KDM4C: variants seen among roughly 807,000 people sequenced by gnomAD.
KDM4C encodes lysine-specific demethylase 4C.
KDM4C carries 81 observed loss-of-function variants against 129.3 expected under a neutral mutation model. The observed-to-expected ratio is 0.63, with a 90% CI of 0.52 to 0.75. The LOEUF (loss-of-function observed/expected upper bound fraction) is 0.75. KDM4C is among the 30% of genes least tolerant of loss of function. KDM4C has a pLI of 0.00. For synonymous variants in KDM4C, 573 were observed against 456.1 expected, an observed-to-expected ratio of 1.26 and a Z score of -3.26; for missense variants, 1,457 against 1,304.0, an observed-to-expected ratio of 1.12 and a Z score of -1.81.
intron 15 of KDM4C, among the ~76,000 whole-genome samples, chr9:7,046,217 C>G (rs1283770199): frequency 6.6e-6 from 1 of 151,836 alleles, no homozygotes; most frequent in East Asian, 1.9e-4. Context: ...AGCTAAGACA[C>G]ATAAGAGTGC....
chr9:6,881,324 A>G (rs1327999552), intron 6 of KDM4C, among the ~76,000 whole-genome samples: 12 of 152,216 alleles, frequency 7.9e-5, no homozygotes, highest in African/African-American at 2.4e-5. Flanking sequence ...AAAATGTAAT[A>G]CATAATAGTA....
At chr9:6,913,598 C>T (rs1230388077) in intron 8 of KDM4C, among the ~76,000 whole-genome samples, 2 of 152,174 alleles carry the variant, frequency 1.3e-5, no homozygotes, top group South Asian at 2.1e-4. Context: ...ACTTGTCCTC[C>T]TGCCCTGTTG....
chr9:7,013,881 G>C lies in KDM4C; in HGVS notation c.2062G>C (p.Glu688Gln), dbSNP rs144520956. 2 of 1,613,880 alleles carry C rather than the reference G, an allele frequency of 1.2e-6. No homozygotes were observed. Among genetic ancestry groups the C allele is most frequent in the African/African-American group, 1.3e-5 (1 of 74,916 alleles). Residue 688 changes from glutamate (E) to glutamine (Q), a missense_variant, in exon 14 of 22, where the codon GAG (glutamate) becomes CAG (glutamine). Glu to Gln is a conservative substitution (Grantham distance 29, BLOSUM62 2). Transcript: ENST00000381309. ...GGGAAAGACTAAGCCCCTCATACCA[G>C]AGATGTGTTTTATTTATAGTGAAGA... ...SEGKTKPLIP[E>Q]MCFIYSEENI...
chr9:6,850,398 A>C (rs1490719376), intron 5 of KDM4C, among the ~76,000 whole-genome samples: 1 of 152,188 alleles, frequency 6.6e-6, no homozygotes, highest in Non-Finnish European at 1.5e-5. Context: ...GTGTAGTTTC[A>C]AACCATCTTC....
In KDM4C at chr9:7,135,263, A is replaced by G. The variant is rs146312082; in HGVS notation, c.2781+7027A>G. The stretch of plus-strand genomic sequence containing the variant: ...GACAGTTACGTTTTTCTTCAAATAT[A>G]TACCTCCCTCACTTGAGGGTATTTC... On this transcript the variant is annotated intron_variant, in intron 19 of 21. Transcript: ENST00000381309. 3.2e-4 allele frequency among the ~76,000 whole-genome samples: 49 copies of G among 152,192 alleles called. No individual in the cohort carries two copies. In the East Asian group the frequency reaches 9.1e-3, roughly 28 times the overall value.
intron 5 of KDM4C, among the ~76,000 whole-genome samples, chr9:6,869,897 T>C (rs1317014591): frequency 6.6e-6 from 1 of 152,268 alleles, no homozygotes; most frequent in Non-Finnish European, 1.5e-5. Flanking sequence ...CACAGTTAAC[T>C]AACAAGACTT....
At chr9:6,932,876 C>A (rs1184810635) in intron 8 of KDM4C, among the ~76,000 whole-genome samples, 1 of 152,204 alleles carries the variant, frequency 6.6e-6, no homozygotes, top group Non-Finnish European at 1.5e-5. Context: ...TATATGGCCC[C>A]AAAATATCAA....
chr9:6,782,895 A>G (rs964399330), intron 1 of KDM4C, among the ~76,000 whole-genome samples: 1 of 152,186 alleles, frequency 6.6e-6, no homozygotes, highest in African/African-American at 2.4e-5. Context: ...GAACGACAGA[A>G]GTCACTCGGG....
At chr9:6,860,802 A>G (rs1840788848) in intron 5 of KDM4C, among the ~76,000 whole-genome samples, 1 of 152,172 alleles carries the variant, frequency 6.6e-6, no homozygotes, top group South Asian at 2.1e-4. Flanking sequence ...TGTTAAAATG[A>G]TCTCAACATT....
chr9:6,775,241 T>G (rs903830732), intron 1 of KDM4C, among the ~76,000 whole-genome samples: 16 of 152,078 alleles, frequency 1.1e-4, no homozygotes, highest in African/African-American at 3.9e-4. Flanking sequence ...GGTCTTGAAC[T>G]CCTCACCTCA....
intron 5 of KDM4C, among the ~76,000 whole-genome samples, chr9:6,854,532 AAAAAAAAAAAAAAC>A (rs1302768632): frequency 6.9e-6 from 1 of 145,500 alleles, no homozygotes; most frequent in East Asian, 2.1e-4. Flanking sequence ...TCTCAAAAAA[AAAAAAAAAAAAAAC>A]AAAAAAAAAA....
At chr9:7,035,723 C>T (rs1197542294) in intron 15 of KDM4C, among the ~76,000 whole-genome samples, 1 of 152,100 alleles carries the variant, frequency 6.6e-6, no homozygotes, top group Non-Finnish European at 1.5e-5. Context: ...ATTTTTCCGG[C>T]ACTGTTCATT....
At chr9:6,914,750 C>G (rs924450439) in intron 8 of KDM4C, among the ~76,000 whole-genome samples, 13 of 152,286 alleles carry the variant, frequency 8.5e-5, no homozygotes, top group African/African-American at 3.1e-4. Flanking sequence ...TTCGCCTTCC[C>G]CATTCCTTCT....
intron 18 of KDM4C, among the ~76,000 whole-genome samples, chr9:7,117,847 G>A (rs963262544): frequency 2.0e-5 from 3 of 152,176 alleles, no homozygotes; most frequent in Non-Finnish European, 4.4e-5. Flanking sequence ...GACTGTAGGC[G>A]AAGCTCATGC....
chr9:6,774,062 A>T lies in KDM4C; in HGVS notation c.-18+15859A>T, dbSNP rs556730979. ...GCCACTATACCTGGTTAATTTTTGT[A>T]CTTTTAGTAGAGACGGGGTTTCACC... On this transcript the variant is annotated intron_variant, in intron 1 of 21. Coordinates refer to ENST00000381309, the MANE Select transcript of KDM4C (RefSeq NM_015061.6). Among the ~76,000 whole-genome samples, 3 of 152,054 alleles carry T rather than the reference A, an allele frequency of 2.0e-5. No homozygotes were observed. The South Asian group carries it at 6.2e-4, about 32-fold the overall frequency.
At chr9:6,838,083 G>A (rs2129715133) in intron 4 of KDM4C, among the ~76,000 whole-genome samples, 1 of 152,258 alleles carries the variant, frequency 6.6e-6, no homozygotes, top group Middle Eastern at 3.4e-3. Context: ...CTTTCACTGA[G>A]TTTTTAGTTT....
chr9:7,109,159 G>A (rs1429333860), intron 18 of KDM4C, among the ~76,000 whole-genome samples: 2 of 152,222 alleles, frequency 1.3e-5, no homozygotes, highest in East Asian at 3.8e-4. Context: ...GCAGTGGTAT[G>A]TGTGTAGGCT....
chr9:7,061,109 G>T (rs1321470418), intron 17 of KDM4C, among the ~76,000 whole-genome samples: 3 of 152,144 alleles, frequency 2.0e-5, no homozygotes, highest in African/African-American at 4.8e-5. Flanking sequence ...TTGGAGAGGG[G>T]AAGATTTAGC....
At chr9:7,089,282 G>A (rs917639403) in intron 17 of KDM4C, among the ~76,000 whole-genome samples, 2 of 152,058 alleles carry the variant, frequency 1.3e-5, no homozygotes, top group Non-Finnish European at 2.9e-5. Flanking sequence ...GTCATCATAT[G>A]TTCCTCCATA....
Sources: gnomAD v4.1 joint callset for allele counts (sites outside exome capture counted in the v4.1 genomes callset) on GRCh38, gnomAD v4.1.1 for gene constraint, MANE v1.5 for transcripts, NCBI Gene and HGNC (gene_info 2026-07-23, HGNC 2026-07-21) for gene names.